The following DENND1B variants were observed in gnomAD, a reference collection of about 807,000 sequenced individuals.
DENND1B encodes DENN domain-containing protein 1B.
A neutral mutation model predicts 90.1 loss-of-function variants in DENND1B; 59 were observed. That is an observed-to-expected ratio of 0.65 (90% CI 0.53 to 0.81). The LOEUF (loss-of-function observed/expected upper bound fraction) is 0.81. Ranked by LOEUF, DENND1B falls within the 40% of genes least tolerant of loss-of-function variation. The pLI is 0.00. For synonymous variants in DENND1B, 337 were observed against 324.6 expected, an observed-to-expected ratio of 1.04 and a Z score of -0.41; for missense variants, 862 against 912.6, an observed-to-expected ratio of 0.94 and a Z score of 0.71.
chr1:197,577,244 G>A (rs1673762287), intron 15 of DENND1B, among the ~76,000 whole-genome samples: 1 of 152,096 alleles, frequency 6.6e-6, no homozygotes, highest in Admixed American at 6.6e-5. Context: ...TGAGATGATT[G>A]ACCTAAGGGT....
intron 15 of DENND1B, among the ~76,000 whole-genome samples, chr1:197,579,646 A>G (rs985560295): frequency 6.6e-6 from 1 of 152,170 alleles, no homozygotes; most frequent in Admixed American, 6.5e-5. Context: ...AGAACTGACT[A>G]TATGAATTTA....
chr1:197,611,042 C>T (rs1421938831), intron 12 of DENND1B, among the ~76,000 whole-genome samples: 3 of 150,738 alleles, frequency 2.0e-5, no homozygotes, highest in African/African-American at 7.3e-5. Context: ...TCAACAGACT[C>T]ATCTTTGATC....
chr1:197,626,392 G>A (rs1678727115), intron 10 of DENND1B, among the ~76,000 whole-genome samples: 1 of 152,080 alleles, frequency 6.6e-6, no homozygotes, highest in African/African-American at 2.4e-5. Flanking sequence ...TCAACTACAT[G>A]GAAACTGAAC....
At chr1:197,545,819 A>C in intron 18 of DENND1B, 103 bp downstream of exon 18, 2 of 1,037,210 alleles carry the variant, frequency 1.9e-6, no homozygotes, top group East Asian at 5.6e-5. Flanking sequence ...TTTTAGGTTT[A>C]TTTAAAAGAA....
At chr1:197,701,744 T>A (rs1309367637) in intron 3 of DENND1B, among the ~76,000 whole-genome samples, 1 of 152,168 alleles carries the variant, frequency 6.6e-6, no homozygotes, top group Non-Finnish European at 1.5e-5. Flanking sequence ...TACGAGTAAT[T>A]TTAAATTCTT....
At chr1:197,731,311 T>C (rs975262854) in intron 2 of DENND1B, among the ~76,000 whole-genome samples, 1 of 152,092 alleles carries the variant, frequency 6.6e-6, no homozygotes, top group African/African-American at 2.4e-5. Context: ...AAGAATAAAT[T>C]TGAAATTCAT....
chr1:197,627,952 G>A (rs1329032837), intron 10 of DENND1B, among the ~76,000 whole-genome samples: 1 of 151,982 alleles, frequency 6.6e-6, no homozygotes, highest in Non-Finnish European at 1.5e-5. Context: ...AAAATACCTA[G>A]GAATCCAACT....
intron 7 of DENND1B, among the ~76,000 whole-genome samples, chr1:197,648,046 T>C (rs1416468639): frequency 6.6e-6 from 1 of 152,054 alleles, no homozygotes; most frequent in Non-Finnish European, 1.5e-5. Flanking sequence ...GGCTTAATTA[T>C]GAAAATAACT....
intron 10 of DENND1B, among the ~76,000 whole-genome samples, chr1:197,618,091 T>C (rs1160458120): frequency 1.3e-5 from 2 of 151,196 alleles, no homozygotes; most frequent in Admixed American, 6.6e-5. Context: ...GAAATTACAA[T>C]TTGTACAGCA....
At position 197,509,111 on chromosome 1, in the gene DENND1B, C is replaced by A. The variant is rs963393151; in HGVS notation, c.*1349G>T. On this transcript the variant is annotated 3_prime_UTR_variant, in exon 23 of 23. Coordinates refer to ENST00000620048, the MANE Select transcript of DENND1B (RefSeq NM_001195215.2). ...GCATTCACAAATCATGTTGACAGTA[C>A]GTACCCTTGATATGACCTGATGAAA... is the stretch of plus-strand genomic sequence containing the variant. 3.3e-5 allele frequency: 5 copies of A among 151,600 alleles called. No individual in the cohort carries two copies. Among genetic ancestry groups the A allele is most frequent in the African/African-American group, 9.7e-5 (4 of 41,326 alleles). 9.4% of individuals were successfully genotyped at this position (151,600 alleles called of 1,614,324 possible). A position where few individuals can be genotyped will look rare whatever the true frequency, so the allele number is the denominator to read the frequency against.
At chr1:197,653,429 T>G (rs988916096) in intron 6 of DENND1B, among the ~76,000 whole-genome samples, 3 of 152,128 alleles carry the variant, frequency 2.0e-5, no homozygotes, top group African/African-American at 7.2e-5. Context: ...TACAAAGTTC[T>G]TATAGGTATA....
chr1:197,592,392 T>A (rs897815046), intron 14 of DENND1B, among the ~76,000 whole-genome samples: 7 of 152,276 alleles, frequency 4.6e-5, no homozygotes, highest in East Asian at 3.9e-4. Context: ...CAATGGTCAG[T>A]TAACGTTTTA....
chr1:197,739,142 C>A (rs537946851), intron 2 of DENND1B, among the ~76,000 whole-genome samples: 2 of 152,308 alleles, frequency 1.3e-5, no homozygotes, highest in South Asian at 4.1e-4. Flanking sequence ...CCAGGATCAG[C>A]TGACATTCAC....
rs750144084 is a variant in DENND1B at position 197,659,599 on chromosome 1, T to A, written c.297-1230A>T. Among the ~76,000 whole-genome samples the A allele has an allele frequency of 1.1e-3, 171 of 152,108 alleles. 1 individual carries two copies. Among genetic ancestry groups the A allele is most frequent in the Non-Finnish European group, 1.0e-3 (68 of 67,900 alleles). On this transcript the variant is annotated intron_variant, in intron 5 of 22. Transcript: ENST00000620048. ...ACAATAAATGAATAAAAAGGGTATATATTAATGAATACAAGCAAAATGGAG... is the reference window on the plus strand; with the variant it reads ...ACAATAAATGAATAAAAAGGGTATAAATTAATGAATACAAGCAAAATGGAG...
intron 2 of DENND1B, among the ~76,000 whole-genome samples, chr1:197,770,210 T>C (rs917616189): frequency 6.6e-6 from 1 of 152,188 alleles, no homozygotes; most frequent in African/African-American, 2.4e-5. Context: ...ATTTGCAACC[T>C]ACAAAGAAGC....
At chr1:197,518,120 G>T (rs1261821382) in intron 20 of DENND1B, among the ~76,000 whole-genome samples, 1 of 151,780 alleles carries the variant, frequency 6.6e-6, no homozygotes, top group Non-Finnish European at 1.5e-5. Context: ...CTAGCACATT[G>T]TGTCATACAT....
At chr1:197,775,064 C>A in intron 1 of DENND1B, 75 bp downstream of exon 1, 1 of 1,049,686 alleles carries the variant, frequency 9.5e-7, no homozygotes, top group South Asian at 4.6e-5. Flanking sequence ...CGCGGAGGCG[C>A]GGAGGAGCCG....
At chr1:197,749,468 T>C (rs905078994) in intron 2 of DENND1B, among the ~76,000 whole-genome samples, 15 of 151,986 alleles carry the variant, frequency 9.9e-5, no homozygotes, top group Non-Finnish European at 1.9e-4. Flanking sequence ...CATCAAAAAC[T>C]ATGCAAGCCA....
At chr1:197,536,880 A>G (rs1360843020) in intron 20 of DENND1B, among the ~76,000 whole-genome samples, 2 of 152,056 alleles carry the variant, frequency 1.3e-5, no homozygotes, top group Non-Finnish European at 2.9e-5. Context: ...TACTAAAAAT[A>G]CAAAAACAAA....
Sources: gnomAD v4.1 joint callset for allele counts (sites outside exome capture counted in the v4.1 genomes callset) on GRCh38, gnomAD v4.1.1 for gene constraint, MANE v1.5 for transcripts, NCBI Gene and HGNC (gene_info 2026-07-23, HGNC 2026-07-21) for gene names.